Variants in MIR2052HG observed in about 807,000 individuals in gnomAD.
MIR2052HG encodes the protein MIR2052 host gene.
At chr8:74,664,670 A>G (rs1330589188) in intron 2 of MIR2052HG, among the ~76,000 whole-genome samples, 1 of 152,098 alleles carries the variant, frequency 6.6e-6, no homozygotes. Flanking sequence ...GGTGCCCGCC[A>G]CTATGCCCAG....
At chr8:74,736,279 T>A (rs577041626) in intron 4 of MIR2052HG, among the ~76,000 whole-genome samples, 1 of 152,328 alleles carries the variant, frequency 6.6e-6, no homozygotes, top group African/African-American at 2.4e-5. Flanking sequence ...CTGAAGACAT[T>A]TTCTTTCTTT....
intron 2 of MIR2052HG, among the ~76,000 whole-genome samples, chr8:74,657,960 CCT>C (rs1808824227): frequency 6.6e-6 from 1 of 152,140 alleles, no homozygotes; most frequent in Non-Finnish European, 1.5e-5. Flanking sequence ...AACTCCATGA[CCT>C]ATGAACTTCT....
At position 74,699,420 on chromosome 8, in the gene MIR2052HG, A is replaced by G. The variant is rs113396409; in HGVS notation, n.217-2959A>G. 4.6e-3 allele frequency among the ~76,000 whole-genome samples: 653 copies of G among 143,332 alleles called. 3 individuals carry two copies. Among genetic ancestry groups the G allele is most frequent in the Non-Finnish European group, 5.5e-3 (370 of 66,710 alleles). The allele number at this position is 143,332 out of a possible 152,430, so 94.0% of individuals were successfully genotyped here. A position where few individuals can be genotyped will look rare whatever the true frequency, so the allele number is the denominator to read the frequency against. The stretch of plus-strand genomic sequence containing the variant: ...TGTGTATGTGTGTGTGTGTGTGTAT[A>G]TATATATATATATATACACCATGGA... On this transcript the variant is annotated intron_variant and non_coding_transcript_variant, in intron 2 of 6. Coordinates refer to ENST00000523442, the Ensembl canonical transcript of MIR2052HG.
At chr8:74,666,776 A>G (rs887330356) in intron 2 of MIR2052HG, among the ~76,000 whole-genome samples, 3 of 152,196 alleles carry the variant, frequency 2.0e-5, no homozygotes, top group Non-Finnish European at 4.4e-5. Flanking sequence ...CTCTTAATCC[A>G]TATTCTTGGT....
intron 4 of MIR2052HG, among the ~76,000 whole-genome samples, chr8:74,715,861 T>C (rs1048296192): frequency 2.6e-5 from 4 of 152,238 alleles, no homozygotes; most frequent in Non-Finnish European, 5.9e-5. Flanking sequence ...TGTGAAATCA[T>C]GTCATCTACT....
At chr8:74,645,826 G>A (rs924539888) in intron 2 of MIR2052HG, among the ~76,000 whole-genome samples, 1 of 152,132 alleles carries the variant, frequency 6.6e-6, no homozygotes, top group Non-Finnish European at 1.5e-5. Context: ...CCATCTAATG[G>A]TCAGCTTCCT....
chr8:74,612,627 A>G (rs1742826951), intron 1 of MIR2052HG: 1 of 297,780 alleles, frequency 3.4e-6, no homozygotes. Flanking sequence ...AGAAGAAAAG[A>G]GGAGTATCCT....
Position 74,610,663 on chromosome 8 carries a change from T to C in MIR2052HG, n.129-2190T>C, listed in dbSNP as rs142846898. Among the ~76,000 whole-genome samples the C allele has an allele frequency of 4.7e-3, 708 of 151,724 alleles. 17 individuals carry two copies. Among genetic ancestry groups the C allele is most frequent in the Admixed American group, 0.032 (489 of 15,238 alleles). On this transcript the variant is annotated intron_variant and non_coding_transcript_variant, in intron 1 of 6. Coordinates refer to ENST00000523442, the Ensembl canonical transcript of MIR2052HG. ...TGGCATGAGGATAAAATATGATGAG[T>C]TCAGAAATATACTCACACATGTACA...
intron 2 of MIR2052HG, among the ~76,000 whole-genome samples, chr8:74,615,301 T>G (rs1411902565): frequency 6.6e-6 from 1 of 152,198 alleles, no homozygotes; most frequent in African/African-American, 2.4e-5. Flanking sequence ...ACTCTAGCTC[T>G]AATGTCATCC....
intron 2 of MIR2052HG, among the ~76,000 whole-genome samples, chr8:74,658,856 G>A (rs1808833914): frequency 6.6e-6 from 1 of 152,100 alleles, no homozygotes; most frequent in Non-Finnish European, 1.5e-5. Flanking sequence ...TTTGCACCAA[G>A]AAGGCCACTG....
intron 2 of MIR2052HG, among the ~76,000 whole-genome samples, chr8:74,656,918 A>G (rs1563524545): frequency 6.6e-6 from 1 of 152,230 alleles, no homozygotes; most frequent in Non-Finnish European, 1.5e-5. Context: ...ATAATCCTAG[A>G]GAAAAGTAGT....
chr8:74,602,961 T>C (rs1808044407), intron 1 of MIR2052HG, among the ~76,000 whole-genome samples: 1 of 150,264 alleles, frequency 6.7e-6, no homozygotes, highest in Non-Finnish European at 1.5e-5. Context: ...CTGAAATGTA[T>C]TAATATTCCA....
chr8:74,734,298 G>A (rs1809724983), intron 4 of MIR2052HG, among the ~76,000 whole-genome samples: 1 of 152,126 alleles, frequency 6.6e-6, no homozygotes, highest in South Asian at 2.1e-4. Flanking sequence ...GGTCTGTTAA[G>A]GTATCAGTCT....
At position 74,679,521 on chromosome 8, in the gene MIR2052HG, C is replaced by T. The variant is rs1431711740; in HGVS notation, n.217-22858C>T. 1.1e-4 allele frequency among the ~76,000 whole-genome samples: 15 copies of T among 142,012 alleles called. No individual in the cohort carries two copies. In the East Asian group the frequency reaches 2.4e-3, roughly 23 times the overall value. 93.2% of individuals were successfully genotyped at this position (142,012 alleles called of 152,430 possible). ...GGTTGATAGGCATTTGGCTTGTTTA[C>T]TATTATTATTATTATTATTATTATT... is the stretch of plus-strand genomic sequence containing the variant. On this transcript the variant is annotated intron_variant and non_coding_transcript_variant, in intron 2 of 6. Transcript: ENST00000523442.
chr8:74,669,255 T>C (rs976137146), intron 2 of MIR2052HG, among the ~76,000 whole-genome samples: 1 of 152,166 alleles, frequency 6.6e-6, no homozygotes, highest in Non-Finnish European at 1.5e-5. Context: ...CTAAGCAACC[T>C]TGACTTTGAT....
intron 1 of MIR2052HG, among the ~76,000 whole-genome samples, chr8:74,608,184 G>C (rs949352292): frequency 1.3e-5 from 2 of 151,840 alleles, no homozygotes; most frequent in African/African-American, 4.9e-5. Flanking sequence ...TTTTCGGTGG[G>C]TGAGAGTTCT....
At chr8:74,646,421 A>G (rs990670892) in intron 2 of MIR2052HG, among the ~76,000 whole-genome samples, 3 of 152,170 alleles carry the variant, frequency 2.0e-5, no homozygotes, top group African/African-American at 4.8e-5. Context: ...AGTGAAGGAG[A>G]AGGTATTCTT....
intron 2 of MIR2052HG, among the ~76,000 whole-genome samples, chr8:74,658,180 T>G (rs2588297): frequency 0.68 from 103,835 of 151,954 alleles, 36,789 homozygotes; most frequent in African/African-American, 0.88. Flanking sequence ...AATACACAAT[T>G]AAGCTTGCAT....
intron 2 of MIR2052HG, among the ~76,000 whole-genome samples, chr8:74,682,201 A>C (rs951160626): frequency 1.3e-5 from 2 of 152,190 alleles, no homozygotes; most frequent in Non-Finnish European, 2.9e-5. Context: ...ATTTTAAAGT[A>C]TTTAGAGGAT....
Sources: allele counts gnomAD v4.1 joint callset (sites outside exome capture counted in the v4.1 genomes callset), GRCh38; gene constraint gnomAD v4.1.1; transcripts MANE v1.5; gene names NCBI Gene and HGNC (gene_info 2026-07-23, HGNC 2026-07-21).